Variants in CDKAL1 observed in about 807,000 individuals in gnomAD.
CDKAL1 encodes the protein CDKAL1 threonylcarbamoyladenosine tRNA methylthiotransferase, also known as threonylcarbamoyladenosine tRNA methylthiotransferase.
In CDKAL1, 32 loss-of-function variants were observed where a neutral mutation model predicts 68.2. The ratio of observed to expected loss-of-function variants is 0.47; its 90% CI spans 0.35 to 0.63. CDKAL1 has a LOEUF of 0.63. CDKAL1 is among the 30% of genes least tolerant of loss of function. CDKAL1 has a pLI of 0.00. For synonymous variants in CDKAL1, 234 were observed against 244.3 expected, an observed-to-expected ratio of 0.96 and a Z score of 0.39; for missense variants, 606 against 696.7, an observed-to-expected ratio of 0.87 and a Z score of 1.47.
chr6:20,672,280 T>C (rs145405564), intron 5 of CDKAL1, among the ~76,000 whole-genome samples: 15,030 of 123,422 alleles, frequency 0.12, 1,112 homozygotes, highest in East Asian at 0.42. Context: ...TTTTCTTTCT[T>C]TCTCTCTCTC....
At chr6:21,168,239 C>T (rs910432406) in intron 13 of CDKAL1, among the ~76,000 whole-genome samples, 5 of 152,226 alleles carry the variant, frequency 3.3e-5, no homozygotes, top group African/African-American at 4.8e-5. Flanking sequence ...GCCCAGCCTT[C>T]TGCTCCTCCT....
chr6:20,631,716 T>C (rs937601549), intron 4 of CDKAL1, among the ~76,000 whole-genome samples: 2 of 152,108 alleles, frequency 1.3e-5, no homozygotes, highest in African/African-American at 4.8e-5. Context: ...GGGGCCTAAG[T>C]CACTTCTCTG....
intron 4 of CDKAL1, among the ~76,000 whole-genome samples, chr6:20,636,068 G>A (rs113076396): frequency 0.037 from 5,689 of 152,194 alleles, 123 homozygotes; most frequent in Middle Eastern, 0.071. Flanking sequence ...GTATAGGGAG[G>A]GCATGTCTCA....
chr6:21,177,594 C>T lies in CDKAL1; in HGVS notation c.1300-20427C>T, dbSNP rs551738934. On this transcript the variant is annotated intron_variant, in intron 13 of 15. Transcript: ENST00000274695. ...AAACCAGAACACTTGATTTATAAAA[C>T]AAAAGCTTGATTTAAAGAGTATGAT... 6.0e-5 allele frequency among the ~76,000 whole-genome samples: 9 copies of T among 150,146 alleles called. No homozygotes were observed. The South Asian group carries it at 1.1e-3, about 18-fold the overall frequency.
intron 4 of CDKAL1, among the ~76,000 whole-genome samples, chr6:20,592,569 A>G (rs1765638973): frequency 6.6e-6 from 1 of 151,726 alleles, no homozygotes; most frequent in Admixed American, 6.6e-5. Flanking sequence ...CCTGGGTTCA[A>G]GCGATTCTCC....
intron 10 of CDKAL1, among the ~76,000 whole-genome samples, chr6:20,984,020 G>A (rs1731414349): frequency 6.6e-6 from 1 of 152,196 alleles, no homozygotes; most frequent in South Asian, 2.1e-4. Flanking sequence ...CCATTGTGCT[G>A]TGGTCATGGC....
At chr6:20,826,979 T>C (rs1439533741) in intron 8 of CDKAL1, among the ~76,000 whole-genome samples, 2 of 152,198 alleles carry the variant, frequency 1.3e-5, no homozygotes, top group East Asian at 3.8e-4. Context: ...TATCTAATTC[T>C]GTGAATTACA....
In CDKAL1 at chr6:20,548,685, C is replaced by G. The variant is rs1763699915; in HGVS notation, c.266C>G (p.Ala89Gly). 6.5e-7 allele frequency: 1 copy of G among 1,531,374 alleles called. No homozygotes were observed. Among genetic ancestry groups the G allele is most frequent in the African/African-American group, 1.4e-5 (1 of 72,568 alleles). The allele number at this position is 1,531,374 out of a possible 1,614,324, so 94.9% of individuals were successfully genotyped here. A position where few individuals can be genotyped will look rare whatever the true frequency, so the allele number is the denominator to read the frequency against. Residue 89 changes from alanine (A) to glycine (G), a missense_variant, in exon 4 of 16, where the codon GCT (alanine) becomes GGT (glycine). Coordinates refer to ENST00000274695, the MANE Select transcript of CDKAL1 (RefSeq NM_017774.3). ...DGEYMAGQLA[A>G]YGYKITENAS... is the part of the protein sequence containing the mutation. ...GAATATATGGCTGGACAGCTAGCTG[C>G]TTATGGCTATAAAATTACAGGTAAT... is the stretch of plus-strand genomic sequence containing the variant.
In CDKAL1 at chr6:20,961,063, G is replaced by A. The variant is rs577292124; in HGVS notation, c.909+5478G>A. Among the ~76,000 whole-genome samples, 12 of 152,316 alleles carry A rather than the reference G, an allele frequency of 7.9e-5. No individual in the cohort carries two copies. In the South Asian group the frequency reaches 2.3e-3, roughly 29 times the overall value. On this transcript the variant is annotated intron_variant, in intron 10 of 15. Coordinates refer to ENST00000274695, the MANE Select transcript of CDKAL1 (RefSeq NM_017774.3). ...TTAGTTTCGTGAATTGGCTGATAGGGAAAAGATGTTAAAGCTCTTGGGCAG... is the reference window on the plus strand; with the variant it reads ...TTAGTTTCGTGAATTGGCTGATAGGAAAAAGATGTTAAAGCTCTTGGGCAG...
intron 13 of CDKAL1, among the ~76,000 whole-genome samples, chr6:21,184,163 A>T (rs1777910364): frequency 6.6e-6 from 1 of 151,604 alleles, no homozygotes; most frequent in East Asian, 1.9e-4. Flanking sequence ...TAAAAAAATG[A>T]AAATATTTTA....
intron 4 of CDKAL1, among the ~76,000 whole-genome samples, chr6:20,619,981 A>C (rs1214563842): frequency 6.6e-6 from 1 of 152,226 alleles, no homozygotes; most frequent in South Asian, 2.1e-4. Context: ...TGACTTGAAT[A>C]AACTGTTGTA....
At chr6:20,992,892 A>T (rs1766910751) in intron 10 of CDKAL1, among the ~76,000 whole-genome samples, 1 of 130,026 alleles carries the variant, frequency 7.7e-6, no homozygotes, top group East Asian at 2.2e-4. Context: ...ACAGAATGAG[A>T]CTCTGTCTCA....
chr6:21,052,541 T>G (rs928413836), intron 11 of CDKAL1, among the ~76,000 whole-genome samples: 6 of 151,084 alleles, frequency 4.0e-5, no homozygotes, highest in African/African-American at 1.2e-4. Context: ...TTGGTTGTTT[T>G]TTTTTTTTTT....
chr6:20,770,873 C>T (rs1774911663), intron 7 of CDKAL1, among the ~76,000 whole-genome samples: 1 of 152,154 alleles, frequency 6.6e-6, no homozygotes, highest in African/African-American at 2.4e-5. Context: ...TTGTATCCTG[C>T]TTGCTCTGCC....
intron 4 of CDKAL1, among the ~76,000 whole-genome samples, chr6:20,607,991 A>T (rs998208733): frequency 6.6e-6 from 1 of 152,162 alleles, no homozygotes; most frequent in African/African-American, 2.4e-5. Flanking sequence ...CACTGCACCC[A>T]GCCCAAGGTA....
intron 8 of CDKAL1, among the ~76,000 whole-genome samples, chr6:20,834,404 GT>G (rs1203776484): frequency 6.6e-5 from 10 of 152,194 alleles, no homozygotes; most frequent in Non-Finnish European, 1.5e-4. Context: ...GGAGTTAGAT[GT>G]CCTCTGGGTT....
intron 9 of CDKAL1, among the ~76,000 whole-genome samples, chr6:20,878,825 T>C (rs968875284): frequency 6.6e-6 from 1 of 151,676 alleles, no homozygotes; most frequent in Non-Finnish European, 1.5e-5. Context: ...ACGCCTGTAA[T>C]CCCAGCACTT....
chr6:21,176,062 T>C (rs1045735932), intron 13 of CDKAL1, among the ~76,000 whole-genome samples: 1 of 152,246 alleles, frequency 6.6e-6, no homozygotes, highest in African/African-American at 2.4e-5. Context: ...TGAAGAGATC[T>C]CTACTGCATG....
chr6:21,129,786 T>C (rs924219121), intron 13 of CDKAL1, among the ~76,000 whole-genome samples: 10 of 151,428 alleles, frequency 6.6e-5, no homozygotes, highest in Admixed American at 5.9e-4. Context: ...TACTAATGCA[T>C]TGATGGTAGA....
Sources: allele counts gnomAD v4.1 joint callset (sites outside exome capture counted in the v4.1 genomes callset), GRCh38; gene constraint gnomAD v4.1.1; transcripts MANE v1.5; gene names NCBI Gene and HGNC (gene_info 2026-07-23, HGNC 2026-07-21).